STK32B: variants seen among roughly 807,000 people sequenced by gnomAD.
The protein encoded by STK32B is serine/threonine kinase 32B.
STK32B carries 43 observed loss-of-function variants against 52.6 expected under a neutral mutation model. The observed-to-expected ratio is 0.82, with a 90% confidence interval of 0.64 to 1.05. The LOEUF (loss-of-function observed/expected upper bound fraction) is 1.05, where lower values mean the gene tolerates loss of function less well. Among genes scored for constraint, STK32B ranks in the 50% least tolerant of loss-of-function variants. The probability of loss-of-function intolerance (pLI) is 0.00; values close to 1 mark genes in which losing one functional copy is unlikely to be tolerated. For missense variants in STK32B, 621 were observed against 534.6 expected (o/e 1.16, Z -1.59); for synonymous variants, 238 against 204.3 (o/e 1.17, Z -1.41).
At chr4:5,366,243 T>C (rs968087276) in intron 4 of STK32B, among the ~76,000 whole-genome samples, 5 of 152,186 alleles carry the variant, frequency 3.3e-5, no homozygotes, top group Non-Finnish European at 5.9e-5. Flanking sequence ...TCAGAATTGC[T>C]GTGAGGGTTG....
intron 3 of STK32B, among the ~76,000 whole-genome samples, chr4:5,305,094 AT>A (rs1191056637): frequency 6.6e-6 from 1 of 151,978 alleles, no homozygotes; most frequent in Non-Finnish European, 1.5e-5. Context: ...CTTAGATAAT[AT>A]TTTGTTGAGG....
chr4:5,247,797 G>T (rs1333729166), intron 3 of STK32B, among the ~76,000 whole-genome samples: 14 of 151,978 alleles, frequency 9.2e-5, no homozygotes, highest in African/African-American at 3.4e-4. Flanking sequence ...TTTCTTTTGT[G>T]TCTTCTTTTG....
the STK32B span, among the ~76,000 whole-genome samples, chr4:5,046,264 G>A: frequency 6.6e-6 from 1 of 152,176 alleles, no homozygotes. Flanking sequence ...AAGCAGTGGG[G>A]AAAGGATCTC....
chr4:5,176,726 G>T lies in STK32B; in HGVS notation c.260+8276G>T, dbSNP rs150250594. On this transcript the variant is annotated intron_variant, in intron 3 of 11. Coordinates refer to ENST00000282908, the MANE Select transcript of STK32B (RefSeq NM_018401.3). ...CCCAAAGTACTGGGATTACAAGCATGAGTCACTGTGCCCAGCCTTAGGCAC... is the reference window on the plus strand; with the variant it reads ...CCCAAAGTACTGGGATTACAAGCATTAGTCACTGTGCCCAGCCTTAGGCAC... Among the ~76,000 whole-genome samples the T allele has an allele frequency of 2.0e-5, 3 of 152,270 alleles. No homozygotes were observed. The East Asian group carries it at 5.8e-4, about 29-fold the overall frequency.
In STK32B at chr4:5,342,441, A is replaced by G. The variant is rs577189500; in HGVS notation, c.434+11048A>G. ...TGGAAACCATCATTCTGAGCAAACT[A>G]TCGCAAGGATAGAAAACCAAACACC... On this transcript the variant is annotated intron_variant, in intron 4 of 11. Coordinates refer to ENST00000282908, the MANE Select transcript of STK32B (RefSeq NM_018401.3). Among the ~76,000 whole-genome samples, 5 of 152,324 alleles carry G rather than the reference A, an allele frequency of 3.3e-5. No individual in the cohort carries two copies. In the East Asian group the frequency reaches 9.6e-4, roughly 29 times the overall value.
At chr4:5,263,352 C>T (rs1448790677) in intron 3 of STK32B, among the ~76,000 whole-genome samples, 2 of 152,004 alleles carry the variant, frequency 1.3e-5, no homozygotes, top group African/African-American at 4.8e-5. Flanking sequence ...GATAAGATCA[C>T]ATTCTGCCCA....
chr4:5,244,167 C>T (rs559515669), intron 3 of STK32B, among the ~76,000 whole-genome samples: 3 of 152,222 alleles, frequency 2.0e-5, no homozygotes, highest in South Asian at 4.2e-4. Flanking sequence ...CCAGTTCCTC[C>T]GTGTACCTCT....
chr4:5,209,988 A>G (rs763499337), intron 3 of STK32B, among the ~76,000 whole-genome samples: 1 of 152,232 alleles, frequency 6.6e-6, no homozygotes, highest in Non-Finnish European at 1.5e-5. Context: ...GTGAATTTCT[A>G]GAGGCCAACT....
chr4:5,317,254 CATATAACATAT>C (rs1731089038), intron 3 of STK32B, among the ~76,000 whole-genome samples: 1 of 17,686 alleles, frequency 5.7e-5, no homozygotes, highest in Non-Finnish European at 7.7e-5. Context: ...TTATATATAA[CATATAACATAT>C]ATATAATATA....
intron 1 of STK32B, among the ~76,000 whole-genome samples, chr4:5,116,284 A>G (rs1049248808): frequency 7.9e-5 from 12 of 152,114 alleles, no homozygotes; most frequent in Non-Finnish European, 1.5e-4. Flanking sequence ...CAGGCTCTGT[A>G]CTTAGAAGGG....
intron 4 of STK32B, 123 bp downstream of exon 4, chr4:5,331,516 G>T: frequency 9.6e-7 from 1 of 1,038,616 alleles, no homozygotes. Context: ...TAGTGCATGA[G>T]GGAAAAAAGC....
At chr4:5,033,180 A>G in the STK32B span, among the ~76,000 whole-genome samples, 1 of 152,190 alleles carries the variant, frequency 6.6e-6, no homozygotes, top group Non-Finnish European at 1.5e-5. Context: ...CATGGAAGGA[A>G]GAGAACGCTG....
chr4:5,065,192 A>G (rs1236338421), intron 1 of STK32B, among the ~76,000 whole-genome samples: 1 of 152,170 alleles, frequency 6.6e-6, no homozygotes, highest in Non-Finnish European at 1.5e-5. Flanking sequence ...CAGTTTTCAA[A>G]AAGGGAAAAT....
At position 5,177,739 on chromosome 4, in the gene STK32B, C is replaced by A. The variant is rs567154811; in HGVS notation, c.260+9289C>A. On this transcript the variant is annotated intron_variant, in intron 3 of 11. Coordinates refer to ENST00000282908, the MANE Select transcript of STK32B (RefSeq NM_018401.3). ...GGAGAAATTGGCCAAAACAGGGGGG[C>A]TACATGCCCCACACAAGTCCAAAAT... Among the ~76,000 whole-genome samples the A allele has an allele frequency of 3.9e-5, 6 of 152,314 alleles. No homozygotes were observed. The South Asian group carries it at 1.2e-3, about 32-fold the overall frequency.
At chr4:5,098,039 A>C (rs576131834) in intron 1 of STK32B, among the ~76,000 whole-genome samples, 1 of 152,344 alleles carries the variant, frequency 6.6e-6, no homozygotes, top group African/African-American at 2.4e-5. Flanking sequence ...ACCTGCTAAC[A>C]GGCTAGCCTG....
At chr4:5,074,188 A>ATATGTGTGTGTGTGTG (rs375845988) in intron 1 of STK32B, among the ~76,000 whole-genome samples, 3 of 148,800 alleles carry the variant, frequency 2.0e-5, no homozygotes, top group African/African-American at 7.4e-5. Flanking sequence ...AAATATATAT[A>ATATGTGTGTGTGTGTG]TGTGTGTGTG....
chr4:5,312,485 C>A (rs28579084), intron 3 of STK32B, among the ~76,000 whole-genome samples: 21,396 of 149,332 alleles, frequency 0.14, 2,037 homozygotes, highest in African/African-American at 0.27. Flanking sequence ...CCCCTTCCTG[C>A]GTCCATGTGT....
At chr4:5,495,684 G>A (rs1720171260) in intron 11 of STK32B, among the ~76,000 whole-genome samples, 1 of 152,058 alleles carries the variant, frequency 6.6e-6, no homozygotes, top group African/African-American at 2.4e-5. Context: ...TTTCTGCTCT[G>A]TTTTTTCCCC....
intron 3 of STK32B, among the ~76,000 whole-genome samples, chr4:5,200,974 G>A (rs990375939): frequency 7.9e-5 from 12 of 152,208 alleles, no homozygotes; most frequent in East Asian, 5.8e-4. Context: ...TTGGATGGGC[G>A]GAGGAAGCAG....
Sources: allele counts gnomAD v4.1 joint callset (sites outside exome capture counted in the v4.1 genomes callset), GRCh38; gene constraint gnomAD v4.1.1; transcripts MANE v1.5; gene names NCBI Gene and HGNC (gene_info 2026-07-23, HGNC 2026-07-21).